MACROD2: variants seen among roughly 807,000 people sequenced by gnomAD.
MACROD2 encodes ADP-ribose glycohydrolase MACROD2.
A neutral mutation model predicts 70.4 loss-of-function variants in MACROD2; 36 were observed. The ratio of observed to expected loss-of-function variants is 0.51; its 90% CI spans 0.39 to 0.68. The LOEUF (loss-of-function observed/expected upper bound fraction) is 0.68. Ranked by LOEUF, MACROD2 falls within the 30% of genes least tolerant of loss-of-function variation. The pLI, the probability that MACROD2 is intolerant of heterozygous loss-of-function variation, is 0.00. For missense variants in MACROD2, 496 were observed against 538.4 expected, an observed-to-expected ratio of 0.92 and a Z score of 0.78; for synonymous variants, 172 against 178.8, an observed-to-expected ratio of 0.96 and a Z score of 0.30.
chr20:14,837,940 AAAAACAAAAC>A (rs142423143), intron 5 of MACROD2, among the ~76,000 whole-genome samples: 87,961 of 150,358 alleles, frequency 0.59, 26,693 homozygotes, highest in Non-Finnish European at 0.67. Flanking sequence ...GGCACAGCCA[AAAAACAAAAC>A]AAAACAAAAC....
At chr20:14,790,126 G>A (rs2072431620) in intron 5 of MACROD2, among the ~76,000 whole-genome samples, 1 of 151,710 alleles carries the variant, frequency 6.6e-6, no homozygotes, top group Non-Finnish European at 1.5e-5. Flanking sequence ...TTCTCCTTAA[G>A]TGCATATTTT....
At chr20:15,479,464 G>C (rs1050481706) in intron 7 of MACROD2, among the ~76,000 whole-genome samples, 9 of 151,510 alleles carry the variant, frequency 5.9e-5, no homozygotes, top group Non-Finnish European at 1.3e-4. Flanking sequence ...AGTAGAGACG[G>C]GGTTTCACCG....
chr20:15,351,651 C>T (rs1441163212), intron 6 of MACROD2, among the ~76,000 whole-genome samples: 2 of 152,124 alleles, frequency 1.3e-5, no homozygotes, highest in African/African-American at 4.8e-5. Flanking sequence ...GTGAGTCCTA[C>T]TAGCAAATTA....
At chr20:14,493,529 A>G (rs2084817824) in intron 4 of MACROD2, 21 bp downstream of exon 4, 1 of 1,594,512 alleles carries the variant, frequency 6.3e-7, no homozygotes, top group Non-Finnish European at 8.6e-7. Context: ...AACATCACTT[A>G]ACTTAAAATA....
At chr20:15,521,054 T>A (rs1004248046) in intron 8 of MACROD2, among the ~76,000 whole-genome samples, 2 of 152,180 alleles carry the variant, frequency 1.3e-5, no homozygotes, top group Non-Finnish European at 1.5e-5. Context: ...TAGACATGTT[T>A]CCTGGCTGTG....
chr20:14,653,526 T>A (rs1388295525), intron 4 of MACROD2, among the ~76,000 whole-genome samples: 2 of 151,712 alleles, frequency 1.3e-5, no homozygotes, highest in Admixed American at 6.6e-5. Context: ...CTGCAATTTT[T>A]TTTTTTTTTT....
chr20:15,506,160 G>A (rs958488403), intron 8 of MACROD2, among the ~76,000 whole-genome samples: 17 of 152,150 alleles, frequency 1.1e-4, no homozygotes, highest in African/African-American at 4.1e-4. Flanking sequence ...GTAAGATGCC[G>A]ATAGCCAGAG....
chr20:15,051,986 T>C (rs762263359), intron 5 of MACROD2, among the ~76,000 whole-genome samples: 252 of 152,236 alleles, frequency 1.7e-3, no homozygotes, highest in Non-Finnish European at 2.9e-3. Context: ...CTTTTGACCT[T>C]GTGATCCGCC....
At chr20:15,287,702 T>C (rs2077504317) in intron 6 of MACROD2, among the ~76,000 whole-genome samples, 1 of 152,232 alleles carries the variant, frequency 6.6e-6, no homozygotes, top group South Asian at 2.1e-4. Flanking sequence ...TTGTCTTACT[T>C]GCTCGCTCTT....
chr20:14,573,206 T>C (rs1980335193), intron 4 of MACROD2, among the ~76,000 whole-genome samples: 1 of 152,122 alleles, frequency 6.6e-6, no homozygotes, highest in African/African-American at 2.4e-5. Flanking sequence ...GTCACTTAAT[T>C]TTCTGATTTG....
At chr20:14,210,430 C>G (rs1458705030) in intron 3 of MACROD2, among the ~76,000 whole-genome samples, 2 of 152,136 alleles carry the variant, frequency 1.3e-5, no homozygotes, top group African/African-American at 4.8e-5. Context: ...AATACACTTC[C>G]TGCTGGGCAG....
chr20:15,374,094 T>C (rs1326061088), intron 6 of MACROD2, among the ~76,000 whole-genome samples: 1 of 152,246 alleles, frequency 6.6e-6, no homozygotes, highest in East Asian at 1.9e-4. Context: ...CTCATTATTT[T>C]TGAAACTCAT....
At position 15,370,646 on chromosome 20, in the gene MACROD2, A is replaced by G. The variant is rs118159607; in HGVS notation, c.541-60759A>G. 5.7e-3 allele frequency among the ~76,000 whole-genome samples: 862 copies of G among 152,244 alleles called. 12 individuals are homozygous for G. The highest frequency in any genetic ancestry group is 6.1e-3 in the Non-Finnish European group (416 of 67,952). On this transcript the variant is annotated intron_variant, in intron 6 of 17. Transcript: ENST00000684519. ...TGGCAAATTCACAGATATTCATAAA[A>G]CAGCTATTGTATAAGACTGAGACTA...
chr20:14,167,472 C>G (rs1174933790), intron 3 of MACROD2, among the ~76,000 whole-genome samples: 3 of 151,898 alleles, frequency 2.0e-5, no homozygotes, highest in African/African-American at 4.8e-5. Flanking sequence ...CAACCTCTGC[C>G]TCCTGGGTTC....
At chr20:15,561,876 G>T (rs143642125) in intron 8 of MACROD2, among the ~76,000 whole-genome samples, 2 of 152,020 alleles carry the variant, frequency 1.3e-5, no homozygotes, top group African/African-American at 4.8e-5. Context: ...TTGACACCCT[G>T]TGTTGAACAA....
intron 12 of MACROD2, 22 bp downstream of exon 12, chr20:15,937,566 C>G: frequency 1.2e-6 from 2 of 1,602,644 alleles, no homozygotes; most frequent in South Asian, 2.2e-5. Flanking sequence ...CTAACTATAT[C>G]TAATAATTGC....
intron 3 of MACROD2, among the ~76,000 whole-genome samples, chr20:14,134,801 C>CAAAAAAAA (rs5840594): frequency 1.0e-5 from 1 of 98,326 alleles, no homozygotes; most frequent in Non-Finnish European, 1.9e-5. Flanking sequence ...GACTCCGTGT[C>CAAAAAAAA]AAAAAAAAAA....
At chr20:14,349,147 G>C (rs1395153845) in intron 3 of MACROD2, among the ~76,000 whole-genome samples, 1 of 149,312 alleles carries the variant, frequency 6.7e-6, no homozygotes, top group East Asian at 2.0e-4. Flanking sequence ...ACATTGGGTG[G>C]TTTAAAGCCT....
At chr20:14,804,206 T>A (rs1020713941) in intron 5 of MACROD2, among the ~76,000 whole-genome samples, 8 of 150,946 alleles carry the variant, frequency 5.3e-5, no homozygotes, top group African/African-American at 1.5e-4. Flanking sequence ...TTATTTTTAA[T>A]TTTTTTTTCT....
Sources: allele counts gnomAD v4.1 joint callset (sites outside exome capture counted in the v4.1 genomes callset), GRCh38; gene constraint gnomAD v4.1.1; transcripts MANE v1.5; gene names NCBI Gene and HGNC (gene_info 2026-07-23, HGNC 2026-07-21).